Variants in STOX1 observed in about 807,000 individuals in gnomAD.
STOX1 encodes storkhead box 1, also known as storkhead-box protein 1.
STOX1 carries 57 observed loss-of-function variants against 74.8 expected under a neutral mutation model. The ratio of observed to expected loss-of-function variants is 0.76; its 90% CI spans 0.62 to 0.95. The LOEUF (loss-of-function observed/expected upper bound fraction) is 0.95. Among genes scored for constraint, STOX1 ranks in the 40% least tolerant of loss-of-function variants. STOX1 has a pLI of 0.00. For missense variants in STOX1, 1,010 were observed against 1,117.0 expected (o/e 0.90, Z 1.37); for synonymous variants, 375 against 401.3 (o/e 0.93, Z 0.78).
chr10:68,854,281 C>T (rs1427259661), intron 1 of STOX1, among the ~76,000 whole-genome samples: 1 of 151,864 alleles, frequency 6.6e-6, no homozygotes, highest in Non-Finnish European at 1.5e-5. Flanking sequence ...AGGTGTGAGC[C>T]ACTGTGCCCA....
At chr10:68,834,331 C>G (rs1217706884) in intron 1 of STOX1, among the ~76,000 whole-genome samples, 1 of 152,156 alleles carries the variant, frequency 6.6e-6, no homozygotes, top group South Asian at 2.1e-4. Flanking sequence ...CTAGGGTACT[C>G]GGTGCCTGAT....
intron 1 of STOX1, among the ~76,000 whole-genome samples, chr10:68,840,036 A>G (rs2133503446): frequency 6.6e-6 from 1 of 152,336 alleles, no homozygotes; most frequent in Middle Eastern, 3.4e-3. Context: ...AAACCCACAC[A>G]TATACAGTTA....
chr10:68,862,672 T>A (rs1228505508), intron 1 of STOX1, among the ~76,000 whole-genome samples: 2 of 152,064 alleles, frequency 1.3e-5, no homozygotes, highest in Non-Finnish European at 2.9e-5. Flanking sequence ...TTGCCGTACT[T>A]CTTATCATTT....
chr10:68,855,520 C>T (rs1840099676), intron 1 of STOX1, among the ~76,000 whole-genome samples: 1 of 151,990 alleles, frequency 6.6e-6, no homozygotes, highest in South Asian at 2.1e-4. Context: ...TTCACTGCGG[C>T]CTCGACCTCC....
At chr10:68,891,952 C>T (rs2132008687) in intron 3 of STOX1, among the ~76,000 whole-genome samples, 1 of 152,126 alleles carries the variant, frequency 6.6e-6, no homozygotes, top group South Asian at 2.1e-4. Context: ...TCATGAGTAG[C>T]TGAGATTACA....
chr10:68,845,565 C>T (rs895087676), intron 1 of STOX1, among the ~76,000 whole-genome samples: 4 of 151,660 alleles, frequency 2.6e-5, no homozygotes, highest in African/African-American at 7.3e-5. Flanking sequence ...TGAGCCACCG[C>T]GCCCGGCAAC....
intron 1 of STOX1, among the ~76,000 whole-genome samples, chr10:68,862,172 T>TCAGTCC (rs1173131082): frequency 1.3e-5 from 2 of 152,064 alleles, no homozygotes; most frequent in African/African-American, 4.8e-5. Context: ...GTGACAGTGA[T>TCAGTCC]CAGTCCCATA....
rs149673018 is a variant in STOX1 at position 68,837,779 on chromosome 10, G to A, written c.310+9846G>A. Among the ~76,000 whole-genome samples, 7 of 152,202 alleles carry A rather than the reference G, an allele frequency of 4.6e-5. No individual in the cohort carries two copies. The East Asian group carries it at 1.4e-3, about 29-fold the overall frequency. ...CCAGCTTCTCATCCAGTCCTCTTGG[G>A]GCCTTGGTTGCCTCATGTGTTGGTA... On this transcript the variant is annotated intron_variant, in intron 1 of 3. Coordinates refer to ENST00000298596, the MANE Select transcript of STOX1 (RefSeq NM_152709.5).
In STOX1 at chr10:68,884,598, AGTCACAGAG is replaced by A. The variant is rs1239339969; in HGVS notation, c.806_814del (p.His269_Gly271del). The A allele has an allele frequency of 1.1e-5, 18 of 1,613,776 alleles. No individual in the cohort carries two copies. Among genetic ancestry groups the A allele is most frequent in the Non-Finnish European group, 1.4e-5 (16 of 1,180,032 alleles). On this transcript the variant is annotated inframe_deletion, in exon 3 of 4. Coordinates refer to ENST00000298596, the MANE Select transcript of STOX1 (RefSeq NM_152709.5). Reference sequence around the variant, plus strand: ...AGTTGCTGCAGAAGTGACTAGGAAGAGTCACAGAGGTCTTGGGGAATCCGTATCTTGGGT... The same window carrying A: ...AGTTGCTGCAGAAGTGACTAGGAAGAGTCTTGGGGAATCCGTATCTTGGGT...
In STOX1 at chr10:68,885,235, C is replaced by T. The variant is rs769934139; in HGVS notation, c.1439C>T (p.Thr480Ile). 2.5e-6 allele frequency: 4 copies of T among 1,614,196 alleles called. No individual in the cohort carries two copies. Among genetic ancestry groups the T allele is most frequent in the Non-Finnish European group, 2.5e-6 (3 of 1,180,040 alleles). ...GGTCAGAAACCACTTGGTGAGATTA[C>T]AACAGTGCTAGGTTCCCATTTGATT... ...MVGQKPLGEI[T>I]TVLGSHLIYK... Residue 480 changes from threonine to isoleucine, a missense_variant, in exon 3 of 4, where the codon ACA (threonine) becomes ATA (isoleucine). Thr to Ile is a moderately conservative substitution (Grantham distance 89). Coordinates refer to ENST00000298596, the MANE Select transcript of STOX1 (RefSeq NM_152709.5).
chr10:68,851,909 A>G (rs1839995569), intron 1 of STOX1, among the ~76,000 whole-genome samples: 1 of 152,076 alleles, frequency 6.6e-6, no homozygotes, highest in African/African-American at 2.4e-5. Context: ...CGAGGCGGGC[A>G]GATCACCTGA....
intron 1 of STOX1, among the ~76,000 whole-genome samples, chr10:68,863,997 T>C (rs1840334606): frequency 1.3e-5 from 2 of 150,186 alleles, no homozygotes; most frequent in Non-Finnish European, 2.9e-5. Flanking sequence ...CGATCTCGGC[T>C]CACTGCAAGC....
chr10:68,862,718 A>G (rs1840290862), intron 1 of STOX1, among the ~76,000 whole-genome samples: 3 of 152,226 alleles, frequency 2.0e-5, no homozygotes, highest in East Asian at 1.9e-4. Flanking sequence ...CAAGCTGAAC[A>G]TAGTGTGGCC....
chr10:68,880,791 T>TA (rs1490738594), intron 1 of STOX1, among the ~76,000 whole-genome samples: 2 of 152,074 alleles, frequency 1.3e-5, no homozygotes, highest in Non-Finnish European at 2.9e-5. Context: ...CTCCTGGGTT[T>TA]TAAGCAATTC....
chr10:68,881,939 T>C lies in STOX1; in HGVS notation c.311-19T>C. On this transcript the variant is annotated intron_variant, in intron 1 of 3. Coordinates refer to ENST00000298596, the MANE Select transcript of STOX1 (RefSeq NM_152709.5). ...AATTTATCAACCCCCTCCCCCTTTT[T>C]TTTAAATCTCCAATTTAGGTGATGT... is the stretch of plus-strand genomic sequence containing the variant. 1 of 1,613,682 alleles carries C rather than the reference T, an allele frequency of 6.2e-7. No individual in the cohort carries two copies. Among genetic ancestry groups the C allele is most frequent in the Non-Finnish European group, 8.5e-7 (1 of 1,179,768 alleles).
At chr10:68,866,810 G>C (rs561371251) in intron 1 of STOX1, among the ~76,000 whole-genome samples, 110 of 152,356 alleles carry the variant, frequency 7.2e-4, no homozygotes, top group Admixed American at 2.2e-3. Flanking sequence ...TTGTATAGGG[G>C]TGAGGGAGTG....
intron 1 of STOX1, among the ~76,000 whole-genome samples, chr10:68,854,388 C>T (rs1328580450): frequency 2.0e-5 from 3 of 151,996 alleles, no homozygotes; most frequent in African/African-American, 7.3e-5. Flanking sequence ...CTTGACCTCT[C>T]TGGGCTCAGG....
At chr10:68,842,905 C>A (rs558417159) in intron 1 of STOX1, among the ~76,000 whole-genome samples, 1 of 152,198 alleles carries the variant, frequency 6.6e-6, no homozygotes, top group East Asian at 1.9e-4. Flanking sequence ...TCTTTGTAAA[C>A]CAAACGAGCC....
At chr10:68,838,453 T>G (rs1404332584) in intron 1 of STOX1, among the ~76,000 whole-genome samples, 2 of 152,204 alleles carry the variant, frequency 1.3e-5, no homozygotes, top group Admixed American at 6.5e-5. Context: ...TTTACAGAAC[T>G]GATTAGTTCT....
Sources: allele counts gnomAD v4.1 joint callset (sites outside exome capture counted in the v4.1 genomes callset), GRCh38; gene constraint gnomAD v4.1.1; transcripts MANE v1.5; gene names NCBI Gene and HGNC (gene_info 2026-07-23, HGNC 2026-07-21).